ST8SIA5: variants seen among roughly 807,000 people sequenced by gnomAD.
The protein encoded by ST8SIA5 is alpha-2,8-sialyltransferase 8E.
Under a neutral mutation model 40.2 loss-of-function variants are expected in ST8SIA5, and 24 were observed. That is an observed-to-expected ratio of 0.60 (90% confidence interval 0.43 to 0.84). The LOEUF is 0.84. Among genes scored for constraint, ST8SIA5 ranks in the 40% least tolerant of loss-of-function variants. ST8SIA5 has a pLI of 0.00. For missense variants in ST8SIA5, 465 were observed against 498.5 expected (o/e 0.93, Z 0.64); for synonymous variants, 198 against 201.8 (o/e 0.98, Z 0.16).
chr18:46,676,813 G>A lies in ST8SIA5; in HGVS notation c.*3229C>T, dbSNP rs1165020901. 3 of 152,220 alleles carry A rather than the reference G, an allele frequency of 2.0e-5. No individual in the cohort carries two copies. The highest frequency in any genetic ancestry group is 4.4e-5 in the Non-Finnish European group (3 of 68,028). The allele number at this position is 152,220 out of a possible 1,614,324, so 9.4% of individuals were successfully genotyped here. A position where few individuals can be genotyped will look rare whatever the true frequency, so the allele number is the denominator to read the frequency against. On this transcript the variant is annotated 3_prime_UTR_variant, in exon 7 of 7. Transcript: ENST00000315087. The stretch of plus-strand genomic sequence containing the variant: ...GTGGCGTGGTGACAGGGCTGTGGAG[G>A]AACATGGCAGAAGGCTTCCAGAGTC...
chr18:46,716,800 G>T (rs2039796540), intron 1 of ST8SIA5, among the ~76,000 whole-genome samples: 1 of 152,268 alleles, frequency 6.6e-6, no homozygotes, highest in Non-Finnish European at 1.5e-5. Flanking sequence ...AATGACAGAA[G>T]TTGCCCTGGG....
chr18:46,688,381 A>G (rs1045518668), intron 4 of ST8SIA5, among the ~76,000 whole-genome samples: 3 of 152,166 alleles, frequency 2.0e-5, no homozygotes, highest in African/African-American at 7.2e-5. Flanking sequence ...CAGAGTCTAG[A>G]TCTGCACTGG....
chr18:46,732,090 A>T (rs2039990272), intron 1 of ST8SIA5, among the ~76,000 whole-genome samples: 1 of 152,106 alleles, frequency 6.6e-6, no homozygotes, highest in South Asian at 2.1e-4. Context: ...TTTATTTTTC[A>T]TTTCCCAGTT....
chr18:46,683,882 C>T (rs1434809760), intron 5 of ST8SIA5, among the ~76,000 whole-genome samples: 1 of 152,112 alleles, frequency 6.6e-6, no homozygotes, highest in Admixed American at 6.5e-5. Context: ...AATGAGAAAC[C>T]AGGCATTCAG....
intron 1 of ST8SIA5, among the ~76,000 whole-genome samples, chr18:46,722,042 A>T: frequency 6.6e-6 from 1 of 152,310 alleles, no homozygotes. Flanking sequence ...CAGCAATAAC[A>T]TGCTGGATGA....
intron 1 of ST8SIA5, among the ~76,000 whole-genome samples, chr18:46,737,787 T>C (rs1476773443): frequency 6.6e-6 from 1 of 152,144 alleles, no homozygotes; most frequent in Non-Finnish European, 1.5e-5. Context: ...TTTTTTTTTT[T>C]TGAGACAGAG....
chr18:46,724,991 GGAA>G (rs2039900657), intron 1 of ST8SIA5, among the ~76,000 whole-genome samples: 1 of 42,910 alleles, frequency 2.3e-5, no homozygotes, highest in Non-Finnish European at 4.4e-5. Context: ...AAGAGAGAGA[GGAA>G]GGAAGGAAGG....
intron 1 of ST8SIA5, among the ~76,000 whole-genome samples, chr18:46,735,095 T>G (rs1392517566): frequency 6.6e-6 from 1 of 152,254 alleles, no homozygotes; most frequent in East Asian, 1.9e-4. Flanking sequence ...TGCTGGATGC[T>G]TCCTGCCCTG....
At chr18:46,710,871 G>A (rs1022395948) in intron 1 of ST8SIA5, among the ~76,000 whole-genome samples, 1 of 152,116 alleles carries the variant, frequency 6.6e-6, no homozygotes, top group African/African-American at 2.4e-5. Context: ...CATGCATTCA[G>A]CTTTCTATCT....
chr18:46,725,970 AAAATATAT>A (rs1385766881), intron 1 of ST8SIA5, among the ~76,000 whole-genome samples: 5 of 31,808 alleles, frequency 1.6e-4, no homozygotes, highest in Admixed American at 4.3e-4. Flanking sequence ...AAAAAAAAAA[AAAATATAT>A]ATATATATAT....
chr18:46,751,158 A>G (rs1358697966), intron 1 of ST8SIA5, among the ~76,000 whole-genome samples: 3 of 152,126 alleles, frequency 2.0e-5, no homozygotes, highest in Non-Finnish European at 4.4e-5. Flanking sequence ...GCCCCCAGGA[A>G]CCACCATTCT....
intron 1 of ST8SIA5, among the ~76,000 whole-genome samples, chr18:46,705,199 C>T (rs1216812228): frequency 6.6e-6 from 1 of 152,188 alleles, no homozygotes; most frequent in South Asian, 2.1e-4. Context: ...GCTAATCAGA[C>T]AGGGCTCCAG....
intron 2 of ST8SIA5, among the ~76,000 whole-genome samples, chr18:46,703,852 C>T (rs916272833): frequency 5.9e-5 from 9 of 152,118 alleles, no homozygotes; most frequent in African/African-American, 2.2e-4. Flanking sequence ...CTGTGAAGGG[C>T]GGAAACCCAG....
intron 1 of ST8SIA5, among the ~76,000 whole-genome samples, chr18:46,737,508 C>A (rs964351946): frequency 3.3e-5 from 5 of 152,138 alleles, no homozygotes; most frequent in African/African-American, 1.2e-4. Context: ...TTCAGGATTC[C>A]CTTCGTATGA....
chr18:46,744,201 T>C (rs1259361651), intron 1 of ST8SIA5, among the ~76,000 whole-genome samples: 1 of 152,194 alleles, frequency 6.6e-6, no homozygotes, highest in Non-Finnish European at 1.5e-5. Context: ...CGGGATCAAA[T>C]TCACACATAA....
At chr18:46,746,820 T>C (rs1478012295) in intron 1 of ST8SIA5, among the ~76,000 whole-genome samples, 1 of 151,204 alleles carries the variant, frequency 6.6e-6, no homozygotes, top group African/African-American at 2.4e-5. Flanking sequence ...CTTCAAACTA[T>C]ATTACAAGGC....
chr18:46,697,468 G>A (rs1345491889), intron 2 of ST8SIA5, among the ~76,000 whole-genome samples: 1 of 152,184 alleles, frequency 6.6e-6, no homozygotes, highest in Non-Finnish European at 1.5e-5. Context: ...GAAGCAAAAA[G>A]AGGAGAGAAA....
chr18:46,710,102 T>A (rs1023403472), intron 1 of ST8SIA5, among the ~76,000 whole-genome samples: 3 of 152,168 alleles, frequency 2.0e-5, no homozygotes, highest in Non-Finnish European at 4.4e-5. Context: ...GTATAAATAG[T>A]CCCAGCGGGT....
intron 1 of ST8SIA5, among the ~76,000 whole-genome samples, chr18:46,706,643 G>T (rs1367110579): frequency 6.6e-6 from 1 of 152,144 alleles, no homozygotes; most frequent in East Asian, 1.9e-4. Context: ...TATATCTTCT[G>T]TACTACAGAG....
Sources: gnomAD v4.1 joint callset for allele counts (sites outside exome capture counted in the v4.1 genomes callset) on GRCh38, gnomAD v4.1.1 for gene constraint, MANE v1.5 for transcripts, NCBI Gene and HGNC (gene_info 2026-07-23, HGNC 2026-07-21) for gene names.